The following PCDHA3 variants were observed in gnomAD, a reference collection of about 807,000 sequenced individuals.
The protein encoded by PCDHA3 is protocadherin alpha 3, also known as protocadherin alpha-3.
In PCDHA3, 41 loss-of-function variants were observed where a neutral mutation model predicts 62.2. The observed-to-expected ratio is 0.66, with a 90% CI of 0.51 to 0.86. PCDHA3 has a LOEUF of 0.86. Among genes scored for constraint, PCDHA3 ranks in the 40% least tolerant of loss-of-function variants. The pLI is 0.00. For missense variants in PCDHA3, 1,304 were observed against 1,241.2 expected, an observed-to-expected ratio of 1.05 and a Z score of -0.76; for synonymous variants, 640 against 555.4, an observed-to-expected ratio of 1.15 and a Z score of -2.14.
At chr5:140,968,365 T>C (rs1554230638) in intron 1 of PCDHA3, 1 of 1,614,112 alleles carries the variant, frequency 6.2e-7, no homozygotes, top group Non-Finnish European at 8.5e-7. Context: ...GCCTTTATGC[T>C]GTCAACTCCT....
chr5:140,990,148 A>T (rs1236453414), intron 3 of PCDHA3, among the ~76,000 whole-genome samples: 1 of 152,146 alleles, frequency 6.6e-6, no homozygotes, highest in African/African-American at 2.4e-5. Flanking sequence ...AGGCATAATA[A>T]TAGAAAGTTA....
At chr5:140,857,947 G>T (rs782434773) in intron 1 of PCDHA3, 1 of 1,597,414 alleles carries the variant, frequency 6.3e-7, no homozygotes, top group East Asian at 2.2e-5. Flanking sequence ...TCAGTACGAC[G>T]CGCGCTCTGG....
At chr5:140,876,961 C>A in intron 1 of PCDHA3, 1 of 1,613,154 alleles carries the variant, frequency 6.2e-7, no homozygotes, top group Non-Finnish European at 8.5e-7. Flanking sequence ...GCTGGTGGAG[C>A]GGCGGGTGGG....
chr5:140,843,653 C>T lies in PCDHA3; in HGVS notation c.2394+40062C>T, dbSNP rs2150364582. On this transcript the variant is annotated intron_variant, in intron 1 of 3. Coordinates refer to ENST00000522353, the MANE Select transcript of PCDHA3 (RefSeq NM_018906.3). ...CATGGCCTTCAGCCCCTGCCTTCCT[C>T]CTGATCTGGGATCAGTTGATGTAGG... is the stretch of plus-strand genomic sequence containing the variant. 2.4e-5 allele frequency: 38 copies of T among 1,595,020 alleles called. 6 individuals carry two copies. The highest frequency in any genetic ancestry group is 3.0e-5 in the Non-Finnish European group (35 of 1,164,614).
At position 140,869,813 on chromosome 5, in the gene PCDHA3, A is replaced by T. The variant is rs782789559; in HGVS notation, c.2394+66222A>T. On this transcript the variant is annotated intron_variant, in intron 1 of 3. Transcript: ENST00000522353. Reference sequence around the variant, plus strand: ...TTAGTCCAAGTCTTGGATGTCAACGACAATGATCCAGAGTTTGATAAATCA... The same window carrying T: ...TTAGTCCAAGTCTTGGATGTCAACGTCAATGATCCAGAGTTTGATAAATCA... The T allele has an allele frequency of 3.1e-6, 5 of 1,612,416 alleles. No individual in the cohort carries two copies. The South Asian group carries it at 5.5e-5, about 18-fold the overall frequency.
Position 140,803,064 on chromosome 5 carries a change from C to T in PCDHA3, c.1867C>T (p.Arg623Cys). 1.2e-6 allele frequency: 2 copies of T among 1,613,978 alleles called. No individual in the cohort carries two copies. The highest frequency in any genetic ancestry group is 1.7e-6 in the Non-Finnish European group (2 of 1,179,960). ...GACCGGCGGTGCGCGCATCCCGTTT[C>T]GCGTGGGGCTGTACACGGGAGAGAT... ...PGTGGARIPF[R>C]VGLYTGEIST... The change falls in exon 1 of 4, where the codon CGC becomes TGC. Residue 623 changes from arginine to cysteine, a missense_variant. Arg to Cys is a radical substitution (Grantham distance 180, BLOSUM62 -3). Transcript: ENST00000522353.
At chr5:140,923,306 C>A (rs572766829) in intron 1 of PCDHA3, among the ~76,000 whole-genome samples, 1 of 152,216 alleles carries the variant, frequency 6.6e-6, no homozygotes, top group South Asian at 2.1e-4. Context: ...GGCGTGGGGG[C>A]GCTTGGCCTA....
chr5:140,992,584 T>C (rs1327367703), intron 3 of PCDHA3, among the ~76,000 whole-genome samples: 1 of 152,194 alleles, frequency 6.6e-6, no homozygotes, highest in Non-Finnish European at 1.5e-5. Context: ...CTGCCTTGTA[T>C]GCATCTAGCG....
At position 140,803,059 on chromosome 5, in the gene PCDHA3, C is replaced by G; in HGVS notation, c.1862C>G (p.Pro621Arg). The G allele has an allele frequency of 6.2e-7, 1 of 1,613,996 alleles. No homozygotes were observed. The highest frequency in any genetic ancestry group is 1.1e-5 in the South Asian group (1 of 91,080). ...CCTGGGACCGGCGGTGCGCGCATCC[C>G]GTTTCGCGTGGGGCTGTACACGGGA... ...LQPGTGGARI[P>R]FRVGLYTGEI... The change falls in exon 1 of 4, where the codon CCG becomes CGG. Residue 621 changes from proline to arginine, a missense_variant. Physicochemically the swap from Pro to Arg is moderately radical, Grantham distance 103. Coordinates refer to ENST00000522353, the MANE Select transcript of PCDHA3 (RefSeq NM_018906.3).
At chr5:141,008,923 C>T (rs2098394604) in intron 3 of PCDHA3, among the ~76,000 whole-genome samples, 1 of 152,160 alleles carries the variant, frequency 6.6e-6, no homozygotes. Flanking sequence ...ATTTATTCAG[C>T]TAATTTTTCT....
intron 1 of PCDHA3, chr5:140,870,913 G>C (rs933995054): frequency 2.5e-6 from 4 of 1,613,936 alleles, no homozygotes; most frequent in Non-Finnish European, 3.4e-6. Context: ...AGGCTACAAC[G>C]CGTGGCTTTC....
intron 2 of PCDHA3, chr5:140,982,235 T>C (rs782570505): frequency 2.6e-5 from 17 of 646,792 alleles, no homozygotes; most frequent in Non-Finnish European, 3.9e-5. Flanking sequence ...AAAAACAGAA[T>C]TGCCATAAAG....
intron 1 of PCDHA3, chr5:140,927,462 A>C (rs782679625): frequency 6.2e-7 from 1 of 1,614,138 alleles, no homozygotes; most frequent in East Asian, 2.2e-5. Flanking sequence ...TGGAGAAAGC[A>C]CTGGATCGCG....
Position 140,973,415 on chromosome 5 carries a change from A to C in PCDHA3, c.2395-5534A>C, listed in dbSNP as rs552618579. On this transcript the variant is annotated intron_variant, in intron 1 of 3. Coordinates refer to ENST00000522353, the MANE Select transcript of PCDHA3 (RefSeq NM_018906.3). ...AATCATATCTATGAGCTTCCACTCC[A>C]GTTTTTCATCCTCTGATGGTCACTT... Among the ~76,000 whole-genome samples the C allele has an allele frequency of 1.8e-3, 272 of 152,344 alleles. 1 individual carries two copies. Among genetic ancestry groups the C allele is most frequent in the Non-Finnish European group, 3.1e-3 (212 of 68,028 alleles).
chr5:141,006,465 G>T (rs1338372692), intron 3 of PCDHA3, among the ~76,000 whole-genome samples: 3 of 151,948 alleles, frequency 2.0e-5, no homozygotes, highest in Non-Finnish European at 4.4e-5. Context: ...TGCCTGTCTC[G>T]GCCTCCCAAA....
Position 140,801,678 on chromosome 5 carries a change from G to A in PCDHA3, c.481G>A (p.Asp161Asn). The A allele has an allele frequency of 1.2e-6, 2 of 1,614,224 alleles. No homozygotes were observed. The highest frequency in any genetic ancestry group is 1.1e-5 in the South Asian group (1 of 91,086). The stretch of plus-strand genomic sequence containing the variant: ...TTCGCTAGAGGGCGCATCAGATGCA[G>A]ATATCGGAACAAATTCGTTGTTGAC... ...RFSLEGASDADIGTNSLLTYS... is the reference protein window; with the variant it reads ...RFSLEGASDANIGTNSLLTYS... The change falls in exon 1 of 4, where the codon GAT (aspartate) becomes AAT (asparagine). Residue 161 changes from aspartate (D) to asparagine (N), a missense_variant. Transcript: ENST00000522353.
At chr5:140,850,905 A>G in intron 1 of PCDHA3, 1 of 1,550,536 alleles carries the variant, frequency 6.4e-7, no homozygotes, top group Non-Finnish European at 8.7e-7. Context: ...TTTTTCTAGC[A>G]TTTTATTTAT....
intron 1 of PCDHA3, chr5:140,823,211 G>C (rs782216490): frequency 3.1e-6 from 5 of 1,613,796 alleles, no homozygotes; most frequent in African/African-American, 1.3e-5. Context: ...GTGTCTGCAC[G>C]GGACGCGGAC....
At chr5:140,919,452 A>G (rs1430872710) in intron 1 of PCDHA3, among the ~76,000 whole-genome samples, 4 of 152,182 alleles carry the variant, frequency 2.6e-5, no homozygotes, top group Non-Finnish European at 4.4e-5. Context: ...ATGTATTCAC[A>G]TGATGTTACT....
Sources: gnomAD v4.1 joint callset for allele counts (sites outside exome capture counted in the v4.1 genomes callset) on GRCh38, gnomAD v4.1.1 for gene constraint, MANE v1.5 for transcripts, NCBI Gene and HGNC (gene_info 2026-07-23, HGNC 2026-07-21) for gene names.